Variants in SCAPER observed in about 807,000 individuals in gnomAD.
SCAPER encodes the protein S-phase cyclin A associated protein in the ER.
In SCAPER, 98 loss-of-function variants were observed where a neutral mutation model predicts 182.2. The observed-to-expected ratio is 0.54, with a 90% confidence interval of 0.46 to 0.64. The LOEUF is 0.64. SCAPER is among the 30% of genes least tolerant of loss of function. The pLI is 0.00. For synonymous variants in SCAPER, 605 were observed against 564.6 expected, an observed-to-expected ratio of 1.07 and a Z score of -1.01; for missense variants, 1,432 against 1,690.0, an observed-to-expected ratio of 0.85 and a Z score of 2.68.
chr15:76,858,919 T>G (rs1403113643), intron 3 of SCAPER, among the ~76,000 whole-genome samples: 1 of 152,210 alleles, frequency 6.6e-6, no homozygotes, highest in Admixed American at 6.5e-5. Flanking sequence ...TTGAAAGTAG[T>G]GCTGTGATGA....
chr15:76,584,245 G>C (rs1025552873), intron 22 of SCAPER, among the ~76,000 whole-genome samples: 2 of 150,108 alleles, frequency 1.3e-5, no homozygotes, highest in African/African-American at 5.0e-5. Flanking sequence ...GAGATAGAGA[G>C]TAGATCGATG....
intron 3 of SCAPER, among the ~76,000 whole-genome samples, chr15:76,860,036 T>G (rs571999136): frequency 1.3e-5 from 2 of 152,196 alleles, no homozygotes; most frequent in African/African-American, 2.4e-5. Context: ...GTTTTATTGT[T>G]ACAATAGTCA....
chr15:76,802,347 C>T (rs946013416), intron 6 of SCAPER, among the ~76,000 whole-genome samples: 22 of 152,028 alleles, frequency 1.4e-4, no homozygotes, highest in East Asian at 1.4e-3. Flanking sequence ...TTTTACTCTG[C>T]TTATTGTCAC....
chr15:76,500,722 C>A (rs187685236), intron 24 of SCAPER, among the ~76,000 whole-genome samples: 152 of 152,152 alleles, frequency 1.0e-3, no homozygotes, highest in Admixed American at 9.8e-3. Context: ...TATTATTAGT[C>A]TAAAGTTTTA....
At chr15:76,452,075 A>C (rs1437131715) in intron 25 of SCAPER, among the ~76,000 whole-genome samples, 1 of 151,866 alleles carries the variant, frequency 6.6e-6, no homozygotes, top group Non-Finnish European at 1.5e-5. Flanking sequence ...TCTTCCTTTT[A>C]GTCCCACTAT....
intron 1 of SCAPER, among the ~76,000 whole-genome samples, chr15:76,899,900 A>C (rs567690803): frequency 1.1e-3 from 163 of 152,362 alleles, no homozygotes; most frequent in African/African-American, 3.8e-3. Flanking sequence ...TGTCGAAAAG[A>C]AAAGGGGGAA....
chr15:76,807,346 T>C (rs2066241480), intron 5 of SCAPER, among the ~76,000 whole-genome samples: 1 of 152,202 alleles, frequency 6.6e-6, no homozygotes, highest in South Asian at 2.1e-4. Flanking sequence ...CATTCTATTA[T>C]GTTTATTGAT....
intron 29 of SCAPER, among the ~76,000 whole-genome samples, chr15:76,368,429 T>C (rs1377990257): frequency 6.6e-6 from 1 of 152,204 alleles, no homozygotes; most frequent in South Asian, 2.1e-4. Flanking sequence ...TTTTCGGAAT[T>C]TGTAGTCAAA....
chr15:76,802,853 C>A (rs2065894738), intron 6 of SCAPER, among the ~76,000 whole-genome samples: 2 of 152,102 alleles, frequency 1.3e-5, no homozygotes, highest in South Asian at 4.1e-4. Context: ...GGCAAGTTTA[C>A]CAGAGTTTAG....
intron 2 of SCAPER, among the ~76,000 whole-genome samples, chr15:76,876,011 G>A (rs1019232812): frequency 2.0e-5 from 3 of 152,200 alleles, no homozygotes; most frequent in Non-Finnish European, 4.4e-5. Flanking sequence ...GAAATCGAGC[G>A]CAGCGCCAGT....
intron 27 of SCAPER, among the ~76,000 whole-genome samples, chr15:76,396,750 T>C (rs572822194): frequency 1.3e-5 from 2 of 152,326 alleles, no homozygotes; most frequent in South Asian, 2.1e-4. Context: ...TGAGATCATA[T>C]CATCTGTAAA....
chr15:76,891,932 A>G (rs2074189469), intron 1 of SCAPER, among the ~76,000 whole-genome samples: 1 of 152,228 alleles, frequency 6.6e-6, no homozygotes, highest in African/African-American at 2.4e-5. Context: ...AAACTATACT[A>G]CAAGGCTACA....
intron 23 of SCAPER, among the ~76,000 whole-genome samples, chr15:76,558,583 AAGTT>A (rs2046359941): frequency 6.6e-6 from 1 of 152,214 alleles, no homozygotes; most frequent in Non-Finnish European, 1.5e-5. Flanking sequence ...GTGGGAAAGT[AAGTT>A]AGTTCAGCCA....
At chr15:76,818,671 G>A (rs3099140) in intron 5 of SCAPER, among the ~76,000 whole-genome samples, 23,019 of 152,036 alleles carry the variant, frequency 0.15, 1,854 homozygotes, top group African/African-American at 0.23. Flanking sequence ...CGACGCAGAA[G>A]ATGGGTGATT....
At chr15:76,734,809 T>A (rs1598429185) in intron 15 of SCAPER, among the ~76,000 whole-genome samples, 2 of 151,594 alleles carry the variant, frequency 1.3e-5, no homozygotes, top group African/African-American at 4.9e-5. Flanking sequence ...GAGGTAGGGG[T>A]TGTAGTGAAC....
At chr15:76,430,644 A>G (rs2046799715) in intron 26 of SCAPER, among the ~76,000 whole-genome samples, 1 of 152,236 alleles carries the variant, frequency 6.6e-6, no homozygotes, top group Non-Finnish European at 1.5e-5. Flanking sequence ...TATTTGCCCA[A>G]TGCCTGTACC....
At chr15:76,669,442 G>A (rs1481244195) in intron 20 of SCAPER, among the ~76,000 whole-genome samples, 1 of 152,112 alleles carries the variant, frequency 6.6e-6, no homozygotes, top group African/African-American at 2.4e-5. Context: ...GTGGCAGGGA[G>A]GAGAAAACCC....
chr15:76,896,326 A>G (rs534236251), intron 1 of SCAPER, among the ~76,000 whole-genome samples: 2 of 151,664 alleles, frequency 1.3e-5, no homozygotes, highest in South Asian at 4.2e-4. Flanking sequence ...AGTTGTGATC[A>G]CACCACTGCA....
chr15:76,408,051 C>CTAAATGTACCA (rs1487941691), intron 26 of SCAPER, among the ~76,000 whole-genome samples: 3 of 152,070 alleles, frequency 2.0e-5, no homozygotes, highest in Admixed American at 6.6e-5. Context: ...AACTGGTGTT[C>CTAAATGTACCA]AAATTTCTAA....
Sources: allele counts gnomAD v4.1 joint callset (sites outside exome capture counted in the v4.1 genomes callset), GRCh38; gene constraint gnomAD v4.1.1; transcripts MANE v1.5; gene names NCBI Gene and HGNC (gene_info 2026-07-23, HGNC 2026-07-21).